Variants in MBD5 observed in about 807,000 individuals in gnomAD.
MBD5 encodes the protein methyl-CpG-binding domain protein 5.
In MBD5, 13 loss-of-function variants were observed where a neutral mutation model predicts 117.3. That is an observed-to-expected ratio of 0.11 (90% CI 0.07 to 0.18). The LOEUF is 0.18. Ranked by LOEUF, MBD5 falls within the 10% of genes least tolerant of loss-of-function variation. The pLI, the probability that MBD5 is intolerant of heterozygous loss-of-function variation, is 1.00. For missense variants in MBD5, 1,879 were observed against 2,093.8 expected, an observed-to-expected ratio of 0.90 and a Z score of 2.00; for synonymous variants, 727 against 766.4, an observed-to-expected ratio of 0.95 and a Z score of 0.85.
chr2:148,030,561 A>T (rs1243412822), intron 1 of MBD5, among the ~76,000 whole-genome samples: 3 of 152,206 alleles, frequency 2.0e-5, no homozygotes, highest in African/African-American at 7.2e-5. Context: ...CATATATATT[A>T]GAACCTCAGT....
chr2:148,458,087 A>G (rs1706940431), intron 4 of MBD5, 116 bp from the exon 5 acceptor site: 2 of 392,036 alleles, frequency 5.1e-6, no homozygotes, highest in African/African-American at 2.1e-5. Context: ...TGATTTTGAT[A>G]GCAAAGGACA....
At chr2:148,456,840 C>T (rs78685489) in intron 4 of MBD5, among the ~76,000 whole-genome samples, 1 of 152,124 alleles carries the variant, frequency 6.6e-6, no homozygotes, top group Non-Finnish European at 1.5e-5. Flanking sequence ...TTCATTACAA[C>T]ACCCTTAACC....
intron 4 of MBD5, among the ~76,000 whole-genome samples, chr2:148,443,513 T>A (rs1466862082): frequency 1.3e-5 from 2 of 151,206 alleles, no homozygotes. Context: ...GATGAATGGA[T>A]AAAGAAAATG....
intron 3 of MBD5, among the ~76,000 whole-genome samples, chr2:148,318,527 C>T (rs1702208813): frequency 6.6e-6 from 1 of 151,994 alleles, no homozygotes; most frequent in Non-Finnish European, 1.5e-5. Context: ...CTCATAAATT[C>T]TTTGTCTAGG....
chr2:148,117,852 G>A (rs1250491001), intron 1 of MBD5, among the ~76,000 whole-genome samples: 2 of 152,154 alleles, frequency 1.3e-5, no homozygotes, highest in Non-Finnish European at 2.9e-5. Context: ...AGGAGATTTA[G>A]GTTACTTGCT....
intron 1 of MBD5, among the ~76,000 whole-genome samples, chr2:148,110,048 C>T (rs1696470998): frequency 6.6e-6 from 1 of 152,046 alleles, no homozygotes; most frequent in Non-Finnish European, 1.5e-5. Context: ...ACTTTGTTGT[C>T]ATTTACTATG....
intron 1 of MBD5, among the ~76,000 whole-genome samples, chr2:148,137,968 G>T (rs1259500841): frequency 6.6e-6 from 1 of 152,104 alleles, no homozygotes; most frequent in Non-Finnish European, 1.5e-5. Context: ...CATGATGACG[G>T]AATTGCCTAA....
intron 10 of MBD5, among the ~76,000 whole-genome samples, chr2:148,487,447 C>T (rs188653408): frequency 1.1e-4 from 16 of 151,942 alleles, no homozygotes; most frequent in South Asian, 1.0e-3. Flanking sequence ...TGAGTTTCAG[C>T]GAGAAGTAAT....
chr2:148,198,573 A>G (rs2105941317), intron 2 of MBD5, among the ~76,000 whole-genome samples: 1 of 152,242 alleles, frequency 6.6e-6, no homozygotes, highest in South Asian at 2.1e-4. Context: ...AGTTCATCAT[A>G]TATATTAGAT....
At chr2:148,495,506 T>C (rs147748163) in intron 11 of MBD5, among the ~76,000 whole-genome samples, 32 of 152,290 alleles carry the variant, frequency 2.1e-4, no homozygotes, top group African/African-American at 7.5e-4. Context: ...ACATTTAATG[T>C]ATATTCTGAC....
At chr2:148,416,062 T>C (rs1280674895) in intron 4 of MBD5, among the ~76,000 whole-genome samples, 1 of 152,138 alleles carries the variant, frequency 6.6e-6, no homozygotes, top group African/African-American at 2.4e-5. Context: ...TTACCAGAGT[T>C]CTTGCACTGG....
chr2:148,235,164 A>G (rs1458223942), intron 3 of MBD5, among the ~76,000 whole-genome samples: 1 of 152,056 alleles, frequency 6.6e-6, no homozygotes, highest in Non-Finnish European at 1.5e-5. Context: ...AATAGCTGTT[A>G]TATTTTTTAT....
intron 3 of MBD5, among the ~76,000 whole-genome samples, chr2:148,321,958 C>A (rs1451633935): frequency 1.3e-5 from 2 of 152,044 alleles, no homozygotes; most frequent in Non-Finnish European, 2.9e-5. Context: ...TAAACTATTC[C>A]TTGTTTGGTT....
intron 4 of MBD5, among the ~76,000 whole-genome samples, chr2:148,388,204 G>A (rs911296064): frequency 1.3e-5 from 2 of 152,116 alleles, no homozygotes; most frequent in Admixed American, 1.3e-4. Flanking sequence ...AAGGAATGGC[G>A]AATATAAAAT....
intron 4 of MBD5, among the ~76,000 whole-genome samples, chr2:148,457,324 A>G (rs1300853529): frequency 6.6e-6 from 1 of 152,158 alleles, no homozygotes; most frequent in Non-Finnish European, 1.5e-5. Context: ...GTGTAGTTTC[A>G]TGAATCCCAC....
At chr2:148,374,312 A>G (rs1703937440) in intron 4 of MBD5, among the ~76,000 whole-genome samples, 1 of 151,990 alleles carries the variant, frequency 6.6e-6, no homozygotes, top group Non-Finnish European at 1.5e-5. Context: ...CTTACTACAA[A>G]GTCAGATGGT....
intron 2 of MBD5, among the ~76,000 whole-genome samples, chr2:148,199,718 C>T (rs1385106385): frequency 6.6e-6 from 1 of 151,788 alleles, no homozygotes; most frequent in Admixed American, 6.6e-5. Context: ...CAAGATTGCG[C>T]CACTGTACTC....
chr2:148,485,624 G>A, intron 9 of MBD5, 118 bp from the exon 10 acceptor site: 1 of 765,544 alleles, frequency 1.3e-6, no homozygotes, highest in South Asian at 1.5e-5. Flanking sequence ...AAAAAGAAAA[G>A]CATTACCCAA....
At chr2:148,296,895 T>C in intron 3 of MBD5, among the ~76,000 whole-genome samples, 1 of 99,990 alleles carries the variant, frequency 1.0e-5, no homozygotes, top group Non-Finnish European at 2.0e-5. Flanking sequence ...GGAGACAGAG[T>C]CTCACTCTGT....
Sources: gnomAD v4.1 joint callset for allele counts (sites outside exome capture counted in the v4.1 genomes callset) on GRCh38, gnomAD v4.1.1 for gene constraint, MANE v1.5 for transcripts, NCBI Gene and HGNC (gene_info 2026-07-23, HGNC 2026-07-21) for gene names.